Variants in SLC13A1 observed in about 807,000 individuals in gnomAD.
SLC13A1 encodes the protein Na(+)/sulfate cotransporter.
A neutral mutation model predicts 70.0 loss-of-function variants in SLC13A1; 65 were observed. That is an observed-to-expected ratio of 0.93 (90% CI 0.76 to 1.14). SLC13A1 has a LOEUF of 1.14. Ranked by LOEUF, SLC13A1 falls within the 50% of genes most tolerant of loss-of-function variation. SLC13A1 has a pLI of 0.00. For missense variants in SLC13A1, 726 were observed against 717.8 expected (o/e 1.01, Z -0.13); for synonymous variants, 275 against 250.5 (o/e 1.10, Z -0.92).
At chr7:123,184,454 TC>T (rs1206034576) in intron 1 of SLC13A1, among the ~76,000 whole-genome samples, 1 of 152,162 alleles carries the variant, frequency 6.6e-6, no homozygotes, top group Non-Finnish European at 1.5e-5. Flanking sequence ...AAGTTCACTC[TC>T]CACTTCTATG....
chr7:123,136,723 G>C (rs1793960381), intron 7 of SLC13A1, among the ~76,000 whole-genome samples: 1 of 152,096 alleles, frequency 6.6e-6, no homozygotes, highest in Non-Finnish European at 1.5e-5. Flanking sequence ...CAATAAACAG[G>C]TAAACATATA....
chr7:123,150,139 A>G (rs1319632050), intron 6 of SLC13A1, among the ~76,000 whole-genome samples: 2 of 152,140 alleles, frequency 1.3e-5, no homozygotes, highest in Non-Finnish European at 2.9e-5. Context: ...CTGTGTTTGC[A>G]TAACCAAATT....
chr7:123,171,567 C>T (rs554392906), intron 3 of SLC13A1, among the ~76,000 whole-genome samples: 507 of 152,256 alleles, frequency 3.3e-3, no homozygotes, highest in Non-Finnish European at 6.0e-3. Flanking sequence ...TGTAATCAGA[C>T]CTGCAGTGAA....
In SLC13A1 at chr7:123,130,913, G is replaced by A. The variant is rs536538578; in HGVS notation, c.933-1432C>T. On this transcript the variant is annotated intron_variant, in intron 8 of 14. Transcript: ENST00000194130. ...TTCTGTCTTGAAGTCCAGTGTCTTCGAAACTGAACAGTTTTTGTGAAATAC... is the reference window on the plus strand; with the variant it reads ...TTCTGTCTTGAAGTCCAGTGTCTTCAAAACTGAACAGTTTTTGTGAAATAC... Among the ~76,000 whole-genome samples, 70 of 152,006 alleles carry A rather than the reference G, an allele frequency of 4.6e-4. No homozygotes were observed. In the South Asian group the frequency reaches 9.4e-3, roughly 20 times the overall value.
intron 7 of SLC13A1, among the ~76,000 whole-genome samples, chr7:123,141,273 A>G (rs1355749743): frequency 6.6e-6 from 1 of 152,040 alleles, no homozygotes; most frequent in East Asian, 1.9e-4. Flanking sequence ...GTTAGAGAAG[A>G]TGTTTGATAT....
At chr7:123,125,707 T>C (rs748823433) in intron 10 of SLC13A1, 32 bp from the exon 11 acceptor site, 1 of 1,505,820 alleles carries the variant, frequency 6.6e-7, no homozygotes, top group Non-Finnish European at 9.2e-7. Flanking sequence ...GTATTAAAAA[T>C]AGCATCAAGA....
At chr7:123,146,441 C>T (rs866329219) in intron 7 of SLC13A1, among the ~76,000 whole-genome samples, 3 of 152,282 alleles carry the variant, frequency 2.0e-5, no homozygotes, top group Middle Eastern at 3.4e-3. Context: ...ACGACAATCA[C>T]TTGGCAAAAG....
intron 6 of SLC13A1, among the ~76,000 whole-genome samples, chr7:123,152,483 G>T (rs1271337277): frequency 6.6e-6 from 1 of 151,740 alleles, no homozygotes; most frequent in Non-Finnish European, 1.5e-5. Context: ...ATTGTACAAG[G>T]GTTCTCCCTT....
chr7:123,169,338 GA>G lies in SLC13A1; in HGVS notation c.366-4del. 1 of 1,610,570 alleles carries G rather than the reference GA, an allele frequency of 6.2e-7. No homozygotes were observed. The highest frequency in any genetic ancestry group is 8.5e-7 in the Non-Finnish European group (1 of 1,179,750). On this transcript the variant is annotated splice_region_variant and splice_polypyrimidine_tract_variant and intron_variant, in intron 3 of 14. Coordinates refer to ENST00000194130, the MANE Select transcript of SLC13A1 (RefSeq NM_022444.4). ...TGCTCATGAACCCCAGCGTCAGCCTGAAACCAGAGAGCCATTATTGTGGAGC... is the reference window on the plus strand; with the variant it reads ...TGCTCATGAACCCCAGCGTCAGCCTGAACCAGAGAGCCATTATTGTGGAGC...
chr7:123,194,003 C>A (rs190376502), intron 1 of SLC13A1, among the ~76,000 whole-genome samples: 1 of 152,116 alleles, frequency 6.6e-6, no homozygotes, highest in Non-Finnish European at 1.5e-5. Flanking sequence ...TTCTGCCACG[C>A]TAGATCATCC....
chr7:123,199,879 A>G lies in SLC13A1; in HGVS notation c.68T>C (p.Leu23Ser), dbSNP rs757231425. Residue 23 changes from leucine (L) to serine (S), a missense_variant, in exon 1 of 15, where the codon TTA (leucine) becomes TCA (serine). By Grantham distance (145) the Leu-to-Ser change is moderately radical. Coordinates refer to ENST00000194130, the MANE Select transcript of SLC13A1 (RefSeq NM_022444.4). ...FLFVVFTVLV[L>S]LPLPIVLHTK... ...GTGGAGGACGATGGGCAGAGGTAGTAAAACCAACACAGTGAAAACCACGAA... is the reference window on the plus strand; with the variant it reads ...GTGGAGGACGATGGGCAGAGGTAGTGAAACCAACACAGTGAAAACCACGAA... 4 of 1,612,950 alleles carry G rather than the reference A, an allele frequency of 2.5e-6. No homozygotes were observed. The South Asian group carries it at 4.4e-5, about 18-fold the overall frequency.
intron 7 of SLC13A1, among the ~76,000 whole-genome samples, chr7:123,137,981 C>T (rs1388856918): frequency 6.6e-6 from 1 of 152,032 alleles, no homozygotes; most frequent in Non-Finnish European, 1.5e-5. Context: ...ACTATAGTCA[C>T]CCTGTTGTCC....
chr7:123,194,602 A>G (rs1796115167), intron 1 of SLC13A1, among the ~76,000 whole-genome samples: 1 of 152,066 alleles, frequency 6.6e-6, no homozygotes, highest in Non-Finnish European at 1.5e-5. Flanking sequence ...TGTAAAAAAC[A>G]AACAGTCTAT....
At chr7:123,156,446 G>A (rs867819278) in intron 6 of SLC13A1, among the ~76,000 whole-genome samples, 5 of 152,126 alleles carry the variant, frequency 3.3e-5, no homozygotes, top group Non-Finnish European at 5.9e-5. Flanking sequence ...TGGTGCTTTC[G>A]TGGTCCATAT....
intron 7 of SLC13A1, among the ~76,000 whole-genome samples, chr7:123,138,317 A>G (rs921341211): frequency 6.6e-6 from 1 of 152,162 alleles, no homozygotes; most frequent in African/African-American, 2.4e-5. Flanking sequence ...ATCCGTTGAT[A>G]GGCACTTAGG....
rs1030353325 is a variant in SLC13A1, at chr7:123,128,917, A to C, written c.1061T>G (p.Phe354Cys). ...AAACCATAGCAGAGCCATTATAATG[A>C]AGAGGACCAAGGTCACAATTTCTTG... ...RYQEIVTLVL[F>C]IIMALLWFSR... Residue 354 changes from phenylalanine to cysteine, a missense_variant, in exon 10 of 15, where the codon TTC becomes TGC. Coordinates refer to ENST00000194130, the MANE Select transcript of SLC13A1 (RefSeq NM_022444.4). The C allele has an allele frequency of 6.2e-7, 1 of 1,613,442 alleles. No individual in the cohort carries two copies. The highest frequency in any genetic ancestry group is 8.5e-7 in the Non-Finnish European group (1 of 1,179,618).
intron 7 of SLC13A1, among the ~76,000 whole-genome samples, chr7:123,135,957 C>A (rs1793936125): frequency 1.3e-5 from 2 of 152,138 alleles, no homozygotes; most frequent in Non-Finnish European, 2.9e-5. Flanking sequence ...CTATTGAAAA[C>A]TGTTCATTTT....
intron 1 of SLC13A1, chr7:123,190,749 G>A: frequency 2.5e-6 from 1 of 406,410 alleles, no homozygotes; most frequent in South Asian, 1.8e-5. Flanking sequence ...AATGAAAAAG[G>A]AGAAGTTGCC....
intron 6 of SLC13A1, among the ~76,000 whole-genome samples, chr7:123,151,772 G>A (rs1042414774): frequency 6.6e-6 from 1 of 152,056 alleles, no homozygotes; most frequent in African/African-American, 2.4e-5. Context: ...CAGCCACTTT[G>A]CTGTAATGTA....
Sources: allele counts gnomAD v4.1 joint callset (sites outside exome capture counted in the v4.1 genomes callset), GRCh38; gene constraint gnomAD v4.1.1; transcripts MANE v1.5; gene names NCBI Gene and HGNC (gene_info 2026-07-23, HGNC 2026-07-21).